Variants in ESR1 observed in about 807,000 individuals in gnomAD.
ESR1 encodes estrogen receptor.
A neutral mutation model predicts 52.7 loss-of-function variants in ESR1; 12 were observed. The ratio of observed to expected loss-of-function variants is 0.23; its 90% CI spans 0.15 to 0.37. The LOEUF is 0.37. Ranked by LOEUF, ESR1 falls within the 10% of genes least tolerant of loss-of-function variation. The pLI is 1.00. For missense variants in ESR1, 584 were observed against 779.7 expected (o/e 0.75, Z 2.99); for synonymous variants, 305 against 316.8 (o/e 0.96, Z 0.39).
At chr6:151,925,674 TGAG>T (rs1403706719) in intron 3 of ESR1, among the ~76,000 whole-genome samples, 27 of 152,214 alleles carry the variant, frequency 1.8e-4, no homozygotes, top group Admixed American at 1.8e-3. Flanking sequence ...TTGTTGAGTT[TGAG>T]GAGTTTTTTT....
intron 2 of ESR1, among the ~76,000 whole-genome samples, chr6:151,707,043 C>T (rs1780239220): frequency 6.6e-6 from 1 of 152,160 alleles, no homozygotes; most frequent in Non-Finnish European, 1.5e-5. Flanking sequence ...TAGTGAGCGT[C>T]TAGCACAAAG....
intron 7 of ESR1, among the ~76,000 whole-genome samples, chr6:152,096,007 G>A (rs9341056): frequency 0.019 from 2,903 of 152,280 alleles, 46 homozygotes; most frequent in South Asian, 0.041. Flanking sequence ...CTGTAATTTG[G>A]CTAGCCAAAA....
intron 1 of ESR1, among the ~76,000 whole-genome samples, chr6:151,818,806 TATACACAC>T (rs1382855577): frequency 6.7e-6 from 1 of 149,170 alleles, no homozygotes; most frequent in African/African-American, 2.5e-5. Flanking sequence ...TATACACATA[TATACACAC>T]ACACACACAC....
intron 1 of ESR1, among the ~76,000 whole-genome samples, chr6:151,697,974 T>C (rs905085671): frequency 6.6e-6 from 1 of 152,090 alleles, no homozygotes; most frequent in African/African-American, 2.4e-5. Flanking sequence ...AGCATGCGCC[T>C]GTAGTCCCAG....
intron 2 of ESR1, among the ~76,000 whole-genome samples, chr6:151,724,159 G>A (rs1283420521): frequency 6.6e-6 from 1 of 152,068 alleles, no homozygotes; most frequent in Non-Finnish European, 1.5e-5. Context: ...TAAAGGCTGG[G>A]GGTAGGCTGG....
intron 3 of ESR1, among the ~76,000 whole-genome samples, chr6:151,883,837 A>G (rs967264370): frequency 5.3e-5 from 8 of 152,032 alleles, no homozygotes; most frequent in African/African-American, 1.9e-4. Flanking sequence ...GTGTCCCCAC[A>G]TGGCCTTTTC....
At chr6:151,849,482 A>G (rs1583650837) in intron 2 of ESR1, among the ~76,000 whole-genome samples, 1 of 152,162 alleles carries the variant, frequency 6.6e-6, no homozygotes, top group South Asian at 2.1e-4. Context: ...TGTCTCTACT[A>G]AAAATACAAA....
At chr6:151,787,904 G>C (rs1285058) in intron 2 of ESR1, among the ~76,000 whole-genome samples, 40,028 of 151,984 alleles carry the variant, frequency 0.26, 6,260 homozygotes, top group Middle Eastern at 0.4. Flanking sequence ...TGGTGAGAGA[G>C]GGCATCATTT....
rs1333157509 is a variant in ESR1 at position 151,694,064 on chromosome 6, T to C, written c.-202+3400T>C. Among the ~76,000 whole-genome samples the C allele has an allele frequency of 2.0e-5, 3 of 152,182 alleles. No individual in the cohort carries two copies. The East Asian group carries it at 5.8e-4, about 29-fold the overall frequency. On this transcript the variant is annotated intron_variant, in intron 1 of 2. Coordinates refer to the ESR1 transcript ENST00000404742. ...GGCAGCTCTTACTTTGTGCGATGCT[T>C]TTTATAGTGTTATTACGTGTGATTC...
chr6:151,947,075 TG>T (rs2035783347), intron 4 of ESR1, among the ~76,000 whole-genome samples: 1 of 152,148 alleles, frequency 6.6e-6, no homozygotes, highest in African/African-American at 2.4e-5. Context: ...CCCAGCACTT[TG>T]GGAGGCCGAG....
chr6:152,127,429 T>G (rs1477232162), exon 7 of ESR1: 1 of 152,166 alleles, frequency 6.6e-6, no homozygotes, highest in Non-Finnish European at 1.5e-5. Flanking sequence ...AAGTACTAAA[T>G]GAATGTCAGC....
chr6:151,786,790 G>T (rs1787073106), intron 2 of ESR1, among the ~76,000 whole-genome samples: 1 of 151,922 alleles, frequency 6.6e-6, no homozygotes, highest in South Asian at 2.1e-4. Context: ...TATTGAATAA[G>T]GAGTCTTTTC....
intron 4 of ESR1, among the ~76,000 whole-genome samples, chr6:151,995,325 C>T (rs1386733884): frequency 6.6e-6 from 1 of 152,148 alleles, no homozygotes; most frequent in African/African-American, 2.4e-5. Context: ...GTCTATCTGT[C>T]CATCCAGTCA....
chr6:151,748,892 TC>T (rs150115108), intron 2 of ESR1, among the ~76,000 whole-genome samples: 6,110 of 152,240 alleles, frequency 0.04, 375 homozygotes, highest in African/African-American at 0.14. Flanking sequence ...ACATAGTATA[TC>T]CATTTGCTAA....
chr6:151,984,995 G>A (rs879586588), intron 4 of ESR1, among the ~76,000 whole-genome samples: 4 of 152,018 alleles, frequency 2.6e-5, no homozygotes, highest in Non-Finnish European at 5.9e-5. Flanking sequence ...CATTAAAATA[G>A]CAGAGAATAA....
intron 4 of ESR1, among the ~76,000 whole-genome samples, chr6:151,960,204 G>T (rs932451687): frequency 6.6e-6 from 1 of 152,210 alleles, no homozygotes; most frequent in African/African-American, 2.4e-5. Context: ...CACTGGACAT[G>T]CTATGAGCCC....
chr6:152,110,162 C>G (rs2051114948), intron 6 of ESR1, among the ~76,000 whole-genome samples: 1 of 152,182 alleles, frequency 6.6e-6, no homozygotes, highest in African/African-American at 2.4e-5. Flanking sequence ...GTCTTCCTGA[C>G]TTTAAACATG....
chr6:151,825,292 C>T (rs148074141), intron 1 of ESR1, among the ~76,000 whole-genome samples: 15 of 152,144 alleles, frequency 9.9e-5, no homozygotes, highest in African/African-American at 3.6e-4. Context: ...ATGGTTACAG[C>T]GGGCTTGTGG....
chr6:151,967,369 G>A (rs2038392357), intron 4 of ESR1, among the ~76,000 whole-genome samples: 1 of 152,054 alleles, frequency 6.6e-6, no homozygotes, highest in African/African-American at 2.4e-5. Context: ...AGTGTGTGAT[G>A]TTTCCCTCCC....
Sources: allele counts gnomAD v4.1 joint callset (sites outside exome capture counted in the v4.1 genomes callset), GRCh38; gene constraint gnomAD v4.1.1; transcripts MANE v1.5; gene names NCBI Gene and HGNC (gene_info 2026-07-23, HGNC 2026-07-21).